ROBO1: variants seen among roughly 807,000 people sequenced by gnomAD.
ROBO1 encodes roundabout guidance receptor 1.
A neutral mutation model predicts 195.9 loss-of-function variants in ROBO1; 149 were observed. The observed-to-expected ratio is 0.76, with a 90% confidence interval of 0.67 to 0.87. The LOEUF is 0.87. Among genes scored for constraint, ROBO1 ranks in the 40% least tolerant of loss-of-function variants. The probability of loss-of-function intolerance (pLI) is 0.00; values close to 1 mark genes in which losing one functional copy is unlikely to be tolerated. For missense variants in ROBO1, 1,933 were observed against 2,068.3 expected (o/e 0.93, Z 1.27); for synonymous variants, 816 against 733.2 (o/e 1.11, Z -1.82).
chr3:79,076,157 T>C (rs2079168740), intron 3 of ROBO1, among the ~76,000 whole-genome samples: 1 of 149,976 alleles, frequency 6.7e-6, no homozygotes, highest in Non-Finnish European at 1.5e-5. Flanking sequence ...AACTTAGAAT[T>C]GTGCATGGAC....
At chr3:79,065,454 C>G (rs2078988579) in intron 3 of ROBO1, among the ~76,000 whole-genome samples, 1 of 151,818 alleles carries the variant, frequency 6.6e-6, no homozygotes, top group Non-Finnish European at 1.5e-5. Flanking sequence ...AATATAATTT[C>G]CCAATAAAGG....
intron 3 of ROBO1, among the ~76,000 whole-genome samples, chr3:78,976,468 C>T (rs1379352684): frequency 6.6e-6 from 1 of 152,146 alleles, no homozygotes; most frequent in East Asian, 1.9e-4. Context: ...GGATTCCAGC[C>T]TTCTGTCTGC....
intron 4 of ROBO1, among the ~76,000 whole-genome samples, chr3:78,799,364 C>T (rs759844903): frequency 5.9e-5 from 9 of 151,340 alleles, no homozygotes; most frequent in Non-Finnish European, 1.0e-4. Context: ...TTTTTTGAAA[C>T]GGAGTCTCGC....
At chr3:79,414,142 T>C (rs1348059773) in intron 2 of ROBO1, among the ~76,000 whole-genome samples, 3 of 152,028 alleles carry the variant, frequency 2.0e-5, no homozygotes, top group African/African-American at 7.2e-5. Flanking sequence ...TTAGGACTTA[T>C]TCACCTGGAA....
At position 78,685,796 on chromosome 3, in the gene ROBO1, A is replaced by G; in HGVS notation, c.1292T>C (p.Leu431Ser). 1 of 1,612,420 alleles carries G rather than the reference A, an allele frequency of 6.2e-7. No homozygotes were observed. Among genetic ancestry groups the G allele is most frequent in the Non-Finnish European group, 8.5e-7 (1 of 1,178,800 alleles). Residue 431 changes from leucine to serine, a missense_variant, in exon 10 of 31, where the codon TTA (leucine) becomes TCA (serine). Leu to Ser is a moderately radical substitution (Grantham distance 145, BLOSUM62 -2). Around this residue, in one of 3 missense-constraint regions of ROBO1, gnomAD observed 1,737 missense variants for 1,882.5 expected, o/e 0.92. Transcript: ENST00000464233. ...SDVGYYICQT[L>S]NVAGSIITKA... ...TGTGATGATGCTTCCAGCAACATTT[A>G]AAGTCTGGCAGATGTAATAACCAAC...
At chr3:78,704,727 A>C (rs924013539) in intron 8 of ROBO1, among the ~76,000 whole-genome samples, 2 of 150,480 alleles carry the variant, frequency 1.3e-5, no homozygotes, top group Admixed American at 1.3e-4. Context: ...GCTTCTGTAG[A>C]GCTACTTGGG....
At chr3:79,360,632 T>C (rs920222556) in intron 2 of ROBO1, among the ~76,000 whole-genome samples, 3 of 152,024 alleles carry the variant, frequency 2.0e-5, no homozygotes, top group Non-Finnish European at 1.5e-5. Context: ...ACACTTTACA[T>C]GGATTAGTCA....
intron 4 of ROBO1, among the ~76,000 whole-genome samples, chr3:78,890,515 CAGTCT>C (rs2036827915): frequency 3.9e-5 from 6 of 152,102 alleles, no homozygotes. Context: ...TTAAGCTGCC[CAGTCT>C]ATGACAATTT....
chr3:79,524,001 T>G (rs1355495321), intron 2 of ROBO1, among the ~76,000 whole-genome samples: 1 of 152,110 alleles, frequency 6.6e-6, no homozygotes, highest in African/African-American at 2.4e-5. Context: ...TATGAGAAAG[T>G]AATCTACCTC....
At chr3:79,612,805 T>C (rs1223716720) in intron 1 of ROBO1, among the ~76,000 whole-genome samples, 1 of 788 alleles carries the variant, frequency 1.3e-3, no homozygotes, top group Admixed American at 0.013. Flanking sequence ...TTTTCATGTG[T>C]TTTTTGGCTG....
At chr3:79,749,251 T>C (rs1325161395) in intron 1 of ROBO1, among the ~76,000 whole-genome samples, 1 of 152,114 alleles carries the variant, frequency 6.6e-6, no homozygotes, top group Non-Finnish European at 1.5e-5. Context: ...AGAGAGATGA[T>C]TTAAGGTATC....
intron 3 of ROBO1, among the ~76,000 whole-genome samples, chr3:78,969,324 G>A (rs1367808607): frequency 2.0e-5 from 3 of 152,126 alleles, no homozygotes; most frequent in African/African-American, 4.8e-5. Context: ...AAAGGATGAA[G>A]GTGAATGTGG....
intron 1 of ROBO1, among the ~76,000 whole-genome samples, chr3:79,626,806 T>C (rs1271397763): frequency 6.6e-6 from 1 of 152,100 alleles, no homozygotes; most frequent in Non-Finnish European, 1.5e-5. Flanking sequence ...CAGCAGAGTC[T>C]CAGGATACAA....
chr3:78,958,819 CTTTTTTTT>C (rs753439088), intron 3 of ROBO1, among the ~76,000 whole-genome samples: 2 of 130,618 alleles, frequency 1.5e-5, no homozygotes, highest in East Asian at 2.2e-4. Context: ...CTTTCTTCTT[CTTTTTTTT>C]TTTTTTTTTT....
chr3:79,628,427 G>C (rs1177560171), intron 1 of ROBO1, among the ~76,000 whole-genome samples: 1 of 152,050 alleles, frequency 6.6e-6, no homozygotes, highest in Admixed American at 6.6e-5. Context: ...AGTGGAAGTT[G>C]AACAATGAGA....
At chr3:79,699,156 GT>G (rs1560110643) in intron 1 of ROBO1, among the ~76,000 whole-genome samples, 1 of 150,850 alleles carries the variant, frequency 6.6e-6, no homozygotes, top group East Asian at 1.9e-4. Context: ...AAAACAGTAC[GT>G]TTGAGTGAAC....
chr3:78,953,876 C>A (rs990110945), intron 3 of ROBO1, among the ~76,000 whole-genome samples: 1 of 151,936 alleles, frequency 6.6e-6, no homozygotes, highest in African/African-American at 2.4e-5. Context: ...TTACATTGAT[C>A]CATGAGTTGG....
intron 3 of ROBO1, among the ~76,000 whole-genome samples, chr3:79,012,084 G>C (rs545144704): frequency 6.6e-6 from 1 of 152,236 alleles, no homozygotes; most frequent in South Asian, 2.1e-4. Flanking sequence ...ATCTAACCAA[G>C]AGCATCTTGA....
intron 2 of ROBO1, among the ~76,000 whole-genome samples, chr3:79,506,626 G>A (rs1490588040): frequency 2.0e-5 from 3 of 152,050 alleles, no homozygotes; most frequent in Admixed American, 2.0e-4. Context: ...TGTACTTTTA[G>A]TAGAGACAGG....
Sources: gnomAD v4.1 joint callset for allele counts (sites outside exome capture counted in the v4.1 genomes callset) on GRCh38, gnomAD v4.1.1 for gene constraint, gnomAD v4.1.1 regional missense constraint, MANE v1.5 for transcripts, NCBI Gene and HGNC (gene_info 2026-07-23, HGNC 2026-07-21) for gene names.